Variants in CNTN4 observed in about 807,000 individuals in gnomAD.
CNTN4 encodes the protein contactin-4.
In CNTN4, 77 loss-of-function variants were observed where a neutral mutation model predicts 122.5. The ratio of observed to expected loss-of-function variants is 0.63; its 90% CI spans 0.52 to 0.76. The LOEUF is 0.76. Among genes scored for constraint, CNTN4 ranks in the 30% least tolerant of loss-of-function variants. The probability of loss-of-function intolerance (pLI) is 0.00; values close to 1 mark genes in which losing one functional copy is unlikely to be tolerated. For missense variants in CNTN4, 1,256 were observed against 1,259.1 expected, an observed-to-expected ratio of 1.00 and a Z score of 0.04; for synonymous variants, 512 against 447.0, an observed-to-expected ratio of 1.15 and a Z score of -1.83.
chr3:2,814,446 C>T (rs1213851145), intron 6 of CNTN4, among the ~76,000 whole-genome samples: 1 of 152,110 alleles, frequency 6.6e-6, no homozygotes, highest in Admixed American at 6.6e-5. Flanking sequence ...TTTATTTTCT[C>T]CTTGTTCAAC....
At chr3:2,592,219 G>T (rs570820888) in intron 4 of CNTN4, among the ~76,000 whole-genome samples, 1 of 152,216 alleles carries the variant, frequency 6.6e-6, no homozygotes, top group South Asian at 2.1e-4. Context: ...ACTTTTTATT[G>T]TCTTGGCTTT....
At chr3:2,379,554 A>G (rs1036760201) in intron 3 of CNTN4, among the ~76,000 whole-genome samples, 1 of 152,194 alleles carries the variant, frequency 6.6e-6, no homozygotes, top group Non-Finnish European at 1.5e-5. Flanking sequence ...GTTAGTATAA[A>G]TTGTTATTTA....
intron 3 of CNTN4, among the ~76,000 whole-genome samples, chr3:2,368,180 C>T (rs895005540): frequency 1.3e-5 from 2 of 150,408 alleles, no homozygotes; most frequent in Non-Finnish European, 1.5e-5. Flanking sequence ...CTACAGGGCC[C>T]GCCACCACGC....
At chr3:2,586,110 TAG>T (rs1488762742) in intron 4 of CNTN4, among the ~76,000 whole-genome samples, 4 of 152,162 alleles carry the variant, frequency 2.6e-5, no homozygotes, top group Non-Finnish European at 5.9e-5. Context: ...CTCTGTATTA[TAG>T]ATGGGGCAAC....
chr3:2,383,608 C>T (rs1324297004), intron 3 of CNTN4, among the ~76,000 whole-genome samples: 1 of 151,932 alleles, frequency 6.6e-6, no homozygotes, highest in Non-Finnish European at 1.5e-5. Context: ...CTCTCTCCTT[C>T]TGCTCCCTCT....
intron 5 of CNTN4, among the ~76,000 whole-genome samples, 177 bp from the exon 6 acceptor site, chr3:2,745,343 CAT>C (rs1022912866): frequency 2.4e-4 from 36 of 152,116 alleles, no homozygotes; most frequent in African/African-American, 8.4e-4. Context: ...ATGCTCTTTC[CAT>C]ATAAGCACTT....
In CNTN4 at chr3:2,465,690, A is replaced by C. The variant is rs74920622; in HGVS notation, c.-88-105726A>C. On this transcript the variant is annotated intron_variant, in intron 3 of 24. Coordinates refer to ENST00000418658, the MANE Select transcript of CNTN4 (RefSeq NM_175607.3). ...AGACTCCATCTCAAAAAAATAAAAA[A>C]TTCAAATAAAAAAATAAAATAAAAA... 9.9e-3 allele frequency among the ~76,000 whole-genome samples: 1,508 copies of C among 152,272 alleles called. 22 individuals carry two copies. Among genetic ancestry groups the C allele is most frequent in the African/African-American group, 0.034 (1,416 of 41,548 alleles).
chr3:2,334,447 C>T (rs964135411), intron 2 of CNTN4, among the ~76,000 whole-genome samples: 2 of 152,144 alleles, frequency 1.3e-5, no homozygotes, highest in Non-Finnish European at 2.9e-5. Flanking sequence ...ATAGGAGCCA[C>T]GGCACCTGGC....
intron 3 of CNTN4, among the ~76,000 whole-genome samples, chr3:2,418,344 T>C (rs1426537206): frequency 6.6e-6 from 1 of 152,094 alleles, no homozygotes; most frequent in Non-Finnish European, 1.5e-5. Flanking sequence ...AGAGGCAAAA[T>C]GTGAGATTAG....
intron 13 of CNTN4, chr3:2,927,723 A>C (rs1215411526): frequency 6.5e-6 from 1 of 154,014 alleles, no homozygotes; most frequent in East Asian, 1.9e-4. Context: ...TCCAGATTTC[A>C]TTCTATCTAT....
intron 2 of CNTN4, among the ~76,000 whole-genome samples, chr3:2,164,094 T>G (rs12497784): frequency 0.33 from 49,284 of 151,564 alleles, 8,799 homozygotes; most frequent in Admixed American, 0.43. Context: ...GGGTGATGAG[T>G]GCACCAAAAT....
intron 7 of CNTN4, among the ~76,000 whole-genome samples, chr3:2,840,499 G>A (rs1025209050): frequency 7.2e-6 from 1 of 139,244 alleles, no homozygotes; most frequent in Non-Finnish European, 1.6e-5. Flanking sequence ...AGGAGATCGA[G>A]ACCATCCTGG....
At chr3:2,574,545 G>C (rs538242253) in intron 4 of CNTN4, among the ~76,000 whole-genome samples, 1 of 152,104 alleles carries the variant, frequency 6.6e-6, no homozygotes. Flanking sequence ...AGATGACTCA[G>C]TGTCTGGCAA....
At chr3:2,745,944 T>C (rs924092247) in intron 6 of CNTN4, among the ~76,000 whole-genome samples, 1 of 152,160 alleles carries the variant, frequency 6.6e-6, no homozygotes, top group African/African-American at 2.4e-5. Flanking sequence ...GATTATATGA[T>C]GCTTTCTTTA....
intron 3 of CNTN4, among the ~76,000 whole-genome samples, chr3:2,530,633 G>C (rs1253897388): frequency 3.9e-5 from 6 of 151,974 alleles, no homozygotes; most frequent in Non-Finnish European, 2.9e-5. Flanking sequence ...AAACCACGTT[G>C]ATTGGGACTA....
chr3:2,606,522 G>A (rs1324640591), intron 4 of CNTN4, among the ~76,000 whole-genome samples: 1 of 152,218 alleles, frequency 6.6e-6, no homozygotes, highest in African/African-American at 2.4e-5. Flanking sequence ...CACAGTGACT[G>A]ATGGGCGGAT....
intron 2 of CNTN4, among the ~76,000 whole-genome samples, chr3:2,240,699 G>A (rs1365903589): frequency 1.3e-5 from 2 of 151,968 alleles, no homozygotes; most frequent in African/African-American, 4.8e-5. Context: ...GTATGAAAAT[G>A]GTAATGTCAA....
At chr3:2,898,600 C>G (rs1021782506) in intron 10 of CNTN4, among the ~76,000 whole-genome samples, 11 of 152,170 alleles carry the variant, frequency 7.2e-5, no homozygotes, top group African/African-American at 2.7e-4. Flanking sequence ...TGCAAAAAAG[C>G]AATAAGAAAG....
chr3:2,512,569 T>C (rs919954489), intron 3 of CNTN4, among the ~76,000 whole-genome samples: 5 of 152,228 alleles, frequency 3.3e-5, no homozygotes, highest in Non-Finnish European at 1.5e-5. Flanking sequence ...GGAAAGGGAT[T>C]TGTGGATTTT....
Sources: allele counts gnomAD v4.1 joint callset (sites outside exome capture counted in the v4.1 genomes callset), GRCh38; gene constraint gnomAD v4.1.1; transcripts MANE v1.5; gene names NCBI Gene and HGNC (gene_info 2026-07-23, HGNC 2026-07-21).